ADCY9: variants seen among roughly 807,000 people sequenced by gnomAD.
The protein encoded by ADCY9 is adenylate cyclase 9.
ADCY9 carries 50 observed loss-of-function variants against 101.5 expected under a neutral mutation model. The observed-to-expected ratio is 0.49, with a 90% CI of 0.39 to 0.62. The LOEUF (loss-of-function observed/expected upper bound fraction) is 0.62, where lower values mean the gene tolerates loss of function less well. Ranked by LOEUF, ADCY9 falls within the 20% of genes least tolerant of loss-of-function variation. The pLI is 0.00. For synonymous variants in ADCY9, 905 were observed against 769.3 expected (o/e 1.18, Z -2.92); for missense variants, 1,662 against 1,800.4 (o/e 0.92, Z 1.39).
downstream of ADCY9, among the ~76,000 whole-genome samples, chr16:3,958,516 G>A (rs969541945): frequency 2.2e-5 from 3 of 138,964 alleles, no homozygotes; most frequent in African/African-American, 8.1e-5. Context: ...CTTCCAGCCT[G>A]GGCAACAAGA....
rs1290358331 is a variant in ADCY9, at chr16:4,003,608, T to G, written c.1884+3760A>C. Among the ~76,000 whole-genome samples, 12 of 148,594 alleles carry G rather than the reference T, an allele frequency of 8.1e-5. No individual in the cohort carries two copies. In the Admixed American group the frequency reaches 8.2e-4, roughly 10 times the overall value. ...GAGACAGTGTCTCATTCTGTCACCC[T>G]GGTTGGAGTGCAGTGGCATCATCAC... On this transcript the variant is annotated intron_variant, in intron 3 of 10. Coordinates refer to ENST00000294016, the MANE Select transcript of ADCY9 (RefSeq NM_001116.4).
rs750255189 is a variant in ADCY9, at chr16:3,979,167, G to A, written c.2628C>T (p.Pro876=). Reference sequence around the variant, plus strand: ...TGACATGGGAGTAGACGGCCAGTGCGGGAAGCGACACCAGGATGGCCCCGA... The same window carrying A: ...TGACATGGGAGTAGACGGCCAGTGCAGGAAGCGACACCAGGATGGCCCCGA... ...HCIGAILVSL[P]ALAVYSHVTS... The change falls in exon 8 of 11, where the codon CCC becomes CCT. Residue 876 remains proline, a synonymous_variant. Coordinates refer to ENST00000294016, the MANE Select transcript of ADCY9 (RefSeq NM_001116.4). 2.6e-5 allele frequency: 42 copies of A among 1,614,084 alleles called. No individual in the cohort carries two copies. The highest frequency in any genetic ancestry group is 5.0e-5 in the Admixed American group (3 of 60,008).
intron 2 of ADCY9, among the ~76,000 whole-genome samples, chr16:4,022,490 C>CAA (rs58498676): frequency 0.65 from 42,391 of 64,952 alleles, 16,379 homozygotes; most frequent in Non-Finnish European, 0.73. Context: ...GACTCCGTCT[C>CAA]AAAAAAAAAA....
At position 4,115,040 on chromosome 16, in the gene ADCY9, C is replaced by T. The variant is rs768904794; in HGVS notation, c.403G>A (p.Ala135Thr). The T allele has an allele frequency of 6.2e-7, 1 of 1,614,106 alleles. No homozygotes were observed. The highest frequency in any genetic ancestry group is 1.7e-5 in the Admixed American group (1 of 60,036). Residue 135 changes from alanine (A) to threonine (T), a missense_variant, in exon 2 of 11, where the codon GCG becomes ACG. Around this residue, in one of 5 missense-constraint regions of ADCY9, gnomAD observed 422 missense variants for 392.0 expected, o/e 1.08. Transcript: ENST00000294016. This position sits in a 1 kb window ranked among gnomAD's most constrained non-coding sequence, Gnocchi z 6.2. The part of the protein sequence containing the change: ...FACLLWSIYF[A>T]VHMRSRLIVM... ...ATCAGTCTGGATCTCATGTGGACCG[C>T]AAAATAGATGCTCCACAGAAGGCAG...
chr16:4,097,502 T>A (rs1450698322), intron 2 of ADCY9, among the ~76,000 whole-genome samples: 4 of 69,390 alleles, frequency 5.8e-5, no homozygotes, highest in African/African-American at 4.6e-5. Flanking sequence ...ACACACACAC[T>A]ATATATATGT....
chr16:3,991,247 T>C (rs78346428), intron 5 of ADCY9, among the ~76,000 whole-genome samples: 235 of 152,280 alleles, frequency 1.5e-3, no homozygotes, highest in African/African-American at 5.3e-3. Context: ...AAGAGGAATA[T>C]AATAACCCTA....
intron 2 of ADCY9, chr16:4,054,101 T>C (rs955106340): frequency 1.3e-5 from 2 of 152,168 alleles, no homozygotes; most frequent in Admixed American, 6.6e-5. Context: ...CTATTATAGA[T>C]GGCTCACGAA....
At chr16:3,960,611 T>A (rs573750713), downstream of ADCY9, among the ~76,000 whole-genome samples, 73 of 152,102 alleles carry the variant, frequency 4.8e-4, no homozygotes, top group Admixed American at 1.1e-3. Flanking sequence ...ATAACCTTCA[T>A]CAAACTATCA....
At chr16:3,997,673 G>A (rs1459787205) in intron 3 of ADCY9, among the ~76,000 whole-genome samples, 1 of 152,234 alleles carries the variant, frequency 6.6e-6, no homozygotes. Context: ...CAGCAGGTTT[G>A]TCCGGGAAGT....
intron 2 of ADCY9, among the ~76,000 whole-genome samples, chr16:4,082,469 C>T (rs1316035818): frequency 6.6e-6 from 1 of 152,160 alleles, no homozygotes; most frequent in Admixed American, 6.5e-5. Flanking sequence ...TTCTTCATGT[C>T]CTCCCCGTTC....
At chr16:3,960,539 A>AAAC (rs368801399), downstream of ADCY9, among the ~76,000 whole-genome samples, 1 of 151,332 alleles carries the variant, frequency 6.6e-6, no homozygotes, top group Non-Finnish European at 1.5e-5. Flanking sequence ...CCAAGCAACG[A>AAAC]AACAACAACA....
intron 2 of ADCY9, among the ~76,000 whole-genome samples, chr16:4,027,843 C>G (rs2056528016): frequency 6.6e-6 from 1 of 151,068 alleles, no homozygotes; most frequent in Non-Finnish European, 1.5e-5. Context: ...TGCCATTGCA[C>G]TCCAGCCTGG....
In ADCY9 at chr16:3,965,389, G is replaced by A. The variant is rs139481342; in HGVS notation, c.*386C>T. ...GCCAGAGAACCGAAAATAGTGTCTC[G>A]TGGGACGTGGGAAAAAGCAATAAAA... is the stretch of plus-strand genomic sequence containing the variant. On this transcript the variant is annotated 3_prime_UTR_variant, in exon 11 of 11. Coordinates refer to ENST00000294016, the MANE Select transcript of ADCY9 (RefSeq NM_001116.4). The A allele has an allele frequency of 1.9e-4, 47 of 241,974 alleles. No homozygotes were observed. The East Asian group carries it at 3.4e-3, about 18-fold the overall frequency. The allele number at this position is 241,974 out of a possible 1,614,324, so 15.0% of individuals were successfully genotyped here. A position where few individuals can be genotyped will look rare whatever the true frequency, so the allele number is the denominator to read the frequency against.
intron 2 of ADCY9, among the ~76,000 whole-genome samples, chr16:4,106,534 C>T (rs74005728): frequency 0.037 from 5,603 of 152,234 alleles, 350 homozygotes; most frequent in African/African-American, 0.13. Context: ...GTGTCACAGG[C>T]AAAGTACAAA....
intron 10 of ADCY9, among the ~76,000 whole-genome samples, chr16:3,967,870 G>A (rs1176946004): frequency 1.3e-5 from 2 of 151,272 alleles, no homozygotes; most frequent in African/African-American, 2.4e-5. Context: ...GCTAATTTTT[G>A]TATTTTTAGT....
At chr16:4,057,043 C>T (rs979671512) in intron 2 of ADCY9, among the ~76,000 whole-genome samples, 4 of 140,988 alleles carry the variant, frequency 2.8e-5, no homozygotes, top group African/African-American at 5.3e-5. Context: ...AAACCGCCCC[C>T]CCCCCCCCCG....
chr16:4,097,387 G>C (rs938245275), intron 2 of ADCY9, among the ~76,000 whole-genome samples: 1 of 148,554 alleles, frequency 6.7e-6, no homozygotes, highest in Non-Finnish European at 1.5e-5. Context: ...TCTACCTGGA[G>C]GCTTGTTCTG....
chr16:4,057,754 T>C (rs899254546), intron 2 of ADCY9, among the ~76,000 whole-genome samples: 2 of 152,090 alleles, frequency 1.3e-5, no homozygotes, highest in African/African-American at 4.8e-5. Context: ...CCGGGGAGCA[T>C]TTACGGCGTG....
At chr16:4,013,892 G>T (rs1269971440) in intron 2 of ADCY9, among the ~76,000 whole-genome samples, 2 of 152,188 alleles carry the variant, frequency 1.3e-5, no homozygotes, top group East Asian at 1.9e-4. Context: ...CCGGAGGGTT[G>T]TAAGTCCTTC....
Sources: gnomAD v4.1 joint callset for allele counts (sites outside exome capture counted in the v4.1 genomes callset) on GRCh38, gnomAD v4.1.1 for gene constraint, gnomAD v4.1.1 regional missense constraint, Gnocchi (gnomAD v3.1) non-coding constraint, MANE v1.5 for transcripts, NCBI Gene and HGNC (gene_info 2026-07-23, HGNC 2026-07-21) for gene names.